HTR4: variants seen among roughly 807,000 people sequenced by gnomAD.
HTR4 encodes 5-hydroxytryptamine (serotonin) receptor 4, G protein-coupled.
HTR4 carries 16 observed loss-of-function variants against 36.8 expected under a neutral mutation model. That is an observed-to-expected ratio of 0.43 (90% CI 0.29 to 0.66). The LOEUF (loss-of-function observed/expected upper bound fraction) is 0.66. Ranked by LOEUF, HTR4 falls within the 30% of genes least tolerant of loss-of-function variation. The pLI is 0.13. For missense variants in HTR4, 438 were observed against 490.9 expected, an observed-to-expected ratio of 0.89 and a Z score of 1.02; for synonymous variants, 189 against 185.1, an observed-to-expected ratio of 1.02 and a Z score of -0.17.
At chr5:148,459,741 A>C (rs1171219873) in intron 5 of HTR4, among the ~76,000 whole-genome samples, 1 of 152,188 alleles carries the variant, frequency 6.6e-6, no homozygotes, top group Non-Finnish European at 1.5e-5. Flanking sequence ...ATGGCAAAAA[A>C]CAAAACCAAA....
At chr5:148,597,107 C>G (rs1761807800) in intron 2 of HTR4, among the ~76,000 whole-genome samples, 1 of 152,208 alleles carries the variant, frequency 6.6e-6, no homozygotes, top group Non-Finnish European at 1.5e-5. Context: ...TCAGCCTTCT[C>G]TGATAGCTTC....
intron 2 of HTR4, among the ~76,000 whole-genome samples, chr5:148,581,401 C>T (rs1393939072): frequency 6.6e-6 from 1 of 151,542 alleles, no homozygotes; most frequent in Non-Finnish European, 1.5e-5. Flanking sequence ...GTGCCATATC[C>T]AAGAAATTAT....
At chr5:148,508,783 C>T (rs1304593330) in intron 6 of HTR4, among the ~76,000 whole-genome samples, 1 of 152,014 alleles carries the variant, frequency 6.6e-6, no homozygotes, top group Non-Finnish European at 1.5e-5. Context: ...TCAGGCACTA[C>T]GTTATTACTA....
At chr5:148,605,006 A>G (rs1752089662) in intron 2 of HTR4, among the ~76,000 whole-genome samples, 1 of 152,198 alleles carries the variant, frequency 6.6e-6, no homozygotes, top group Non-Finnish European at 1.5e-5. Flanking sequence ...ACTGTAAGCC[A>G]CTACGTAAAA....
chr5:148,491,314 C>A (rs1440380945), intron 6 of HTR4, among the ~76,000 whole-genome samples: 1 of 151,758 alleles, frequency 6.6e-6, no homozygotes, highest in African/African-American at 2.4e-5. Context: ...CCTTCTACGG[C>A]GCTATATATT....
chr5:148,519,444 T>C (rs1403145032), intron 5 of HTR4, among the ~76,000 whole-genome samples: 3 of 152,192 alleles, frequency 2.0e-5, no homozygotes, highest in Non-Finnish European at 4.4e-5. Context: ...CTGATTCCAT[T>C]GAGCAAAGGA....
chr5:148,529,721 A>G (rs961646372), intron 4 of HTR4, among the ~76,000 whole-genome samples: 1 of 152,212 alleles, frequency 6.6e-6, no homozygotes, highest in Non-Finnish European at 1.5e-5. Context: ...CAGAGGTTGG[A>G]ATAGTATGGA....
chr5:148,602,749 T>A (rs1762043491), intron 2 of HTR4, among the ~76,000 whole-genome samples: 1 of 152,088 alleles, frequency 6.6e-6, no homozygotes, highest in African/African-American at 2.4e-5. Context: ...ACAGGCTTAT[T>A]AAAAAATGTT....
In HTR4 at chr5:148,596,643, A is replaced by C. The variant is rs576274496; in HGVS notation, c.26+40346T>G. ...ACCCCCTTCTGCTGCGACAACCAAA[A>C]ACATCTCTAGACATTGCCAAATGTC... On this transcript the variant is annotated intron_variant, in intron 2 of 6. Transcript: ENST00000377888. Among the ~76,000 whole-genome samples the C allele has an allele frequency of 4.7e-5, 7 of 150,022 alleles. No individual in the cohort carries two copies. In the South Asian group the frequency reaches 1.5e-3, roughly 33 times the overall value.
At chr5:148,486,300 T>C (rs1254192852) in intron 6 of HTR4, among the ~76,000 whole-genome samples, 1 of 152,202 alleles carries the variant, frequency 6.6e-6, no homozygotes, top group East Asian at 1.9e-4. Context: ...TGGTACATTA[T>C]ACTGCACCAT....
At chr5:148,465,451 T>C (rs1171045681) in intron 5 of HTR4, among the ~76,000 whole-genome samples, 1 of 152,156 alleles carries the variant, frequency 6.6e-6, no homozygotes, top group African/African-American at 2.4e-5. Context: ...TCACGATCAA[T>C]TGTTTAAGAA....
At chr5:148,617,805 G>T (rs960371790) in intron 2 of HTR4, among the ~76,000 whole-genome samples, 3 of 152,062 alleles carry the variant, frequency 2.0e-5, no homozygotes, top group Non-Finnish European at 4.4e-5. Context: ...TTACAGTAAT[G>T]AATTAATCAG....
At chr5:148,653,980 G>C (rs1754117064) in intron 1 of HTR4, 82 bp downstream of exon 1, 3 of 873,692 alleles carry the variant, frequency 3.4e-6, no homozygotes, top group African/African-American at 3.6e-5. Flanking sequence ...CGACCCCGTC[G>C]TGCTGCCCCG....
intron 5 of HTR4, among the ~76,000 whole-genome samples, chr5:148,454,779 C>T (rs765617721): frequency 1.3e-5 from 2 of 152,184 alleles, no homozygotes; most frequent in Non-Finnish European, 2.9e-5. Flanking sequence ...AAGTGAGGCT[C>T]ATAGCAGCTG....
chr5:148,653,355 C>T (rs1754094182), intron 1 of HTR4, among the ~76,000 whole-genome samples: 1 of 152,224 alleles, frequency 6.6e-6, no homozygotes, highest in Non-Finnish European at 1.5e-5. Flanking sequence ...CTGCCAGCTG[C>T]CACTTCCTTG....
chr5:148,484,613 G>A (rs548767678), intron 6 of HTR4, among the ~76,000 whole-genome samples: 131 of 152,318 alleles, frequency 8.6e-4, no homozygotes, highest in Admixed American at 1.4e-3. Flanking sequence ...TTGGCTCAGA[G>A]AGAGTTAAAT....
chr5:148,542,865 G>A (rs192514082), intron 4 of HTR4, among the ~76,000 whole-genome samples: 1 of 152,194 alleles, frequency 6.6e-6, no homozygotes, highest in Non-Finnish European at 1.5e-5. Flanking sequence ...CCAGCCTAAG[G>A]GGAACTGGTA....
intron 5 of HTR4, among the ~76,000 whole-genome samples, chr5:148,458,079 C>A (rs59676480): frequency 1.3e-3 from 53 of 40,068 alleles, no homozygotes; most frequent in South Asian, 2.0e-3. Context: ...TTTAATAGAT[C>A]TTAAAATATA....
At chr5:148,633,587 T>A (rs1457271245) in intron 2 of HTR4, among the ~76,000 whole-genome samples, 1 of 143,354 alleles carries the variant, frequency 7.0e-6, no homozygotes, top group African/African-American at 2.5e-5. Flanking sequence ...TGTCCATGTG[T>A]TCTCATTGTT....
Sources: allele counts gnomAD v4.1 joint callset (sites outside exome capture counted in the v4.1 genomes callset), GRCh38; gene constraint gnomAD v4.1.1; transcripts MANE v1.5; gene names NCBI Gene and HGNC (gene_info 2026-07-23, HGNC 2026-07-21).